LHFPL6: variants seen among roughly 807,000 people sequenced by gnomAD.
LHFPL6 encodes the protein LHFPL tetraspan subfamily member 6 protein.
A neutral mutation model predicts 20.6 loss-of-function variants in LHFPL6; 9 were observed. The observed-to-expected ratio is 0.44, with a 90% confidence interval of 0.26 to 0.76. The LOEUF (loss-of-function observed/expected upper bound fraction) is 0.76. Ranked by LOEUF, LHFPL6 falls within the 30% of genes least tolerant of loss-of-function variation. The pLI, the probability that LHFPL6 is intolerant of heterozygous loss-of-function variation, is 0.20. For synonymous variants in LHFPL6, 105 were observed against 98.7 expected (o/e 1.06, Z -0.38); for missense variants, 218 against 253.5 (o/e 0.86, Z 0.95).
At chr13:39,366,682 A>G (rs1444482887) in intron 3 of LHFPL6, among the ~76,000 whole-genome samples, 2 of 152,202 alleles carry the variant, frequency 1.3e-5, no homozygotes, top group Non-Finnish European at 2.9e-5. Context: ...AAAGGACTGT[A>G]TTACTCACAG....
At chr13:39,538,420 T>A (rs1197308232) in intron 2 of LHFPL6, among the ~76,000 whole-genome samples, 1 of 149,982 alleles carries the variant, frequency 6.7e-6, no homozygotes, top group Non-Finnish European at 1.5e-5. Flanking sequence ...GCCAACCATG[T>A]TTAACCTGAA....
At chr13:39,490,396 T>A (rs1411492908) in intron 2 of LHFPL6, among the ~76,000 whole-genome samples, 2 of 152,178 alleles carry the variant, frequency 1.3e-5, no homozygotes, top group Non-Finnish European at 2.9e-5. Context: ...AGTGGGTGTA[T>A]GGATAAATCA....
At chr13:39,429,684 C>A (rs1871737216) in intron 2 of LHFPL6, among the ~76,000 whole-genome samples, 1 of 152,024 alleles carries the variant, frequency 6.6e-6, no homozygotes, top group Admixed American at 6.6e-5. Flanking sequence ...ATGAAAAAAA[C>A]TCTAAAAAGA....
At chr13:39,451,178 A>C (rs73175128) in intron 2 of LHFPL6, among the ~76,000 whole-genome samples, 2 of 93,624 alleles carry the variant, frequency 2.1e-5, no homozygotes, top group South Asian at 3.9e-4. Context: ...TTGTTTGTTT[A>C]TTTATTTATT....
At chr13:39,378,131 C>A (rs982751904) in intron 3 of LHFPL6, among the ~76,000 whole-genome samples, 2 of 152,094 alleles carry the variant, frequency 1.3e-5, no homozygotes, top group African/African-American at 4.8e-5. Context: ...TTAGCCCATG[C>A]AATGGGTAAA....
chr13:39,596,712 C>T (rs1474637987), intron 2 of LHFPL6, among the ~76,000 whole-genome samples: 3 of 151,672 alleles, frequency 2.0e-5, no homozygotes, highest in Non-Finnish European at 4.4e-5. Flanking sequence ...GAAGTCTCTA[C>T]ATTTCTTTAA....
intron 2 of LHFPL6, among the ~76,000 whole-genome samples, chr13:39,584,525 CAAAAAA>C: frequency 1.7e-5 from 1 of 58,836 alleles, no homozygotes; most frequent in African/African-American, 5.3e-5. Context: ...AACTCTGTCT[CAAAAAA>C]AAAAAAAAAA....
chr13:39,378,323 C>T, intron 3 of LHFPL6, 105 bp downstream of exon 3: 2 of 782,732 alleles, frequency 2.6e-6, no homozygotes, highest in Admixed American at 2.1e-5. Context: ...GGCTGTAATA[C>T]CCAGGGAGGT....
chr13:39,510,581 A>G (rs1212672699), intron 2 of LHFPL6, among the ~76,000 whole-genome samples: 2 of 152,204 alleles, frequency 1.3e-5, no homozygotes, highest in East Asian at 3.9e-4. Context: ...TTGGATCTAT[A>G]ACCTCAGTTC....
At chr13:39,572,946 A>G (rs1436301535) in intron 2 of LHFPL6, among the ~76,000 whole-genome samples, 1 of 152,210 alleles carries the variant, frequency 6.6e-6, no homozygotes, top group Admixed American at 6.5e-5. Flanking sequence ...AGTAATGAAT[A>G]ATGTTATTGA....
intron 2 of LHFPL6, among the ~76,000 whole-genome samples, chr13:39,496,621 A>C (rs539445234): frequency 1.7e-4 from 26 of 152,372 alleles, no homozygotes; most frequent in Non-Finnish European, 2.2e-4. Context: ...CTTCTGGAGA[A>C]AACAGGCTGG....
At chr13:39,484,048 T>C (rs1157693004) in intron 2 of LHFPL6, among the ~76,000 whole-genome samples, 10 of 152,180 alleles carry the variant, frequency 6.6e-5, no homozygotes, top group Admixed American at 6.6e-4. Flanking sequence ...TTGGCTCTTC[T>C]CAAATACTCT....
chr13:39,570,093 G>C (rs1166475075), intron 2 of LHFPL6, among the ~76,000 whole-genome samples: 1 of 152,106 alleles, frequency 6.6e-6, no homozygotes, highest in Non-Finnish European at 1.5e-5. Context: ...CTGACTCCAA[G>C]TTAGCTTTTC....
At chr13:39,347,759 G>A (rs1268220267) in intron 3 of LHFPL6, among the ~76,000 whole-genome samples, 1 of 152,210 alleles carries the variant, frequency 6.6e-6, no homozygotes, top group Non-Finnish European at 1.5e-5. Context: ...ATACACCTAT[G>A]AGGGGGAATT....
chr13:39,492,340 T>A (rs371493583), intron 2 of LHFPL6, among the ~76,000 whole-genome samples: 27 of 152,210 alleles, frequency 1.8e-4, no homozygotes, highest in African/African-American at 6.5e-4. Flanking sequence ...GTAAAATAGG[T>A]AATGTTATTT....
intron 2 of LHFPL6, among the ~76,000 whole-genome samples, chr13:39,412,672 C>T (rs1871260156): frequency 6.6e-6 from 1 of 152,178 alleles, no homozygotes; most frequent in African/African-American, 2.4e-5. Context: ...CGCCTGTAAT[C>T]CCAGCACTTT....
chr13:39,356,857 T>C (rs765686417), intron 3 of LHFPL6, among the ~76,000 whole-genome samples: 11 of 152,178 alleles, frequency 7.2e-5, no homozygotes, highest in Non-Finnish European at 1.2e-4. Flanking sequence ...AGTTCTGAAA[T>C]TGAATCAGAA....
intron 2 of LHFPL6, among the ~76,000 whole-genome samples, chr13:39,480,940 A>G (rs1245579334): frequency 6.6e-6 from 1 of 152,212 alleles, no homozygotes; most frequent in Non-Finnish European, 1.5e-5. Flanking sequence ...ACATATTCAT[A>G]AGAACAAAAC....
intron 2 of LHFPL6, among the ~76,000 whole-genome samples, chr13:39,599,963 G>A (rs764786309): frequency 7.2e-5 from 11 of 152,180 alleles, no homozygotes; most frequent in Non-Finnish European, 1.5e-4. Flanking sequence ...TATCTATGGA[G>A]GTTGTCATAT....
Sources: allele counts gnomAD v4.1 joint callset (sites outside exome capture counted in the v4.1 genomes callset), GRCh38; gene constraint gnomAD v4.1.1; transcripts MANE v1.5; gene names NCBI Gene and HGNC (gene_info 2026-07-23, HGNC 2026-07-21).